The following LRRIQ3 variants were observed in gnomAD, a reference collection of about 807,000 sequenced individuals.
LRRIQ3 encodes leucine-rich repeat and IQ domain-containing protein 3.
Under a neutral mutation model 59.3 loss-of-function variants are expected in LRRIQ3, and 75 were observed. The observed-to-expected ratio is 1.26, with a 90% CI of 1.05 to 1.53. The LOEUF (loss-of-function observed/expected upper bound fraction) is 1.53. LRRIQ3 is among the 40% of genes most tolerant of loss of function. LRRIQ3 has a pLI of 0.00. For missense variants in LRRIQ3, 831 were observed against 710.0 expected (o/e 1.17, Z -1.94); for synonymous variants, 250 against 231.3 (o/e 1.08, Z -0.73).
At chr1:74,174,969 C>T (rs1277132289) in intron 3 of LRRIQ3, among the ~76,000 whole-genome samples, 1 of 152,138 alleles carries the variant, frequency 6.6e-6, no homozygotes, top group Non-Finnish European at 1.5e-5. Context: ...TCTTCATTGT[C>T]CTTAAATACT....
chr1:74,044,760 C>T (rs571956589), intron 6 of LRRIQ3, among the ~76,000 whole-genome samples: 10 of 151,802 alleles, frequency 6.6e-5, no homozygotes, highest in Non-Finnish European at 2.9e-5. Context: ...TAGATGCAAT[C>T]AAAAATGATA....
intron 4 of LRRIQ3, among the ~76,000 whole-genome samples, chr1:74,120,117 G>GT (rs1646831538): frequency 6.6e-6 from 1 of 150,470 alleles, no homozygotes; most frequent in Non-Finnish European, 1.5e-5. Context: ...TTTATTTTTT[G>GT]TATGTTGTTT....
At chr1:74,121,462 T>C (rs1646854845) in intron 4 of LRRIQ3, among the ~76,000 whole-genome samples, 1 of 152,168 alleles carries the variant, frequency 6.6e-6, no homozygotes, top group Non-Finnish European at 1.5e-5. Flanking sequence ...CAAGACTATG[T>C]GGCACAGTAA....
chr1:74,027,102 AT>A (rs371804315), intron 7 of LRRIQ3, 133 bp from the exon 8 acceptor site: 41 of 546,462 alleles, frequency 7.5e-5, no homozygotes, highest in African/African-American at 6.6e-4. Context: ...ACACAACTCC[AT>A]TTATATAACT....
intron 3 of LRRIQ3, among the ~76,000 whole-genome samples, chr1:74,165,166 T>C (rs1212826955): frequency 6.6e-6 from 1 of 151,568 alleles, no homozygotes; most frequent in Non-Finnish European, 1.5e-5. Flanking sequence ...CCATATAAAA[T>C]TCAGTATAAT....
intron 1 of LRRIQ3, among the ~76,000 whole-genome samples, chr1:74,188,468 G>A (rs1226915338): frequency 1.3e-5 from 2 of 152,140 alleles, no homozygotes; most frequent in Non-Finnish European, 1.5e-5. Context: ...CTTAGTTAAT[G>A]AAATGTGCTA....
intron 4 of LRRIQ3, among the ~76,000 whole-genome samples, chr1:74,125,071 C>T (rs1557627208): frequency 6.6e-6 from 1 of 151,824 alleles, no homozygotes; most frequent in Non-Finnish European, 1.5e-5. Context: ...AGATTGCTCA[C>T]TTCTTTGGTT....
chr1:74,182,768 T>C lies in LRRIQ3; in HGVS notation c.343A>G (p.Ile115Val), dbSNP rs771476928. Residue 115 changes from isoleucine (I) to valine (V), a missense_variant, in exon 3 of 8, where the codon ATA becomes GTA. By Grantham distance (29) the Ile-to-Val change is conservative. Transcript: ENST00000354431. ...HDNGFAKLKN[I>V]CVLSACPTLI... is the part of the protein sequence containing the mutation. ...GTTGGACAGGCAGATAATACACATA[T>C]ATTCTTTAACTTTGCAAACCCATTG... is the stretch of plus-strand genomic sequence containing the variant. The C allele has an allele frequency of 1.1e-5, 17 of 1,611,542 alleles. No homozygotes were observed. Among genetic ancestry groups the C allele is most frequent in the South Asian group, 2.2e-5 (2 of 90,864 alleles).
Position 74,126,829 on chromosome 1 carries a change from C to A in LRRIQ3, c.708-17276G>T, listed in dbSNP as rs577125485. Among the ~76,000 whole-genome samples the A allele has an allele frequency of 3.9e-5, 6 of 151,984 alleles. No homozygotes were observed. In the South Asian group the frequency reaches 1.2e-3, roughly 31 times the overall value. ...AAGAAGCATGTGTATTCAGCAGCCA[C>A]TGGATGAAATGCTCTGTAAATATCT... is the stretch of plus-strand genomic sequence containing the variant. On this transcript the variant is annotated intron_variant, in intron 4 of 7. Transcript: ENST00000354431.
intron 3 of LRRIQ3, among the ~76,000 whole-genome samples, chr1:74,161,398 T>C (rs1409181155): frequency 1.3e-5 from 2 of 152,086 alleles, no homozygotes; most frequent in African/African-American, 4.8e-5. Flanking sequence ...GAGCTAATAA[T>C]ATTTTGTAAG....
chr1:74,073,377 T>C (rs1381888288), intron 6 of LRRIQ3, among the ~76,000 whole-genome samples: 3 of 152,014 alleles, frequency 2.0e-5, no homozygotes, highest in African/African-American at 7.2e-5. Flanking sequence ...CTGTGCATGG[T>C]GGCTTATGCC....
intron 5 of LRRIQ3, chr1:74,081,876 C>T (rs1157463457): frequency 6.6e-6 from 1 of 151,364 alleles, no homozygotes; most frequent in African/African-American, 2.4e-5. Flanking sequence ...TCAAAGCATT[C>T]GTTGCATTCT....
chr1:74,133,365 T>C (rs931240027), intron 4 of LRRIQ3, among the ~76,000 whole-genome samples: 1 of 152,132 alleles, frequency 6.6e-6, no homozygotes, highest in Admixed American at 6.6e-5. Flanking sequence ...TTACTGGGTA[T>C]ATACCCAAAG....
At chr1:74,111,835 T>C (rs550717153) in intron 4 of LRRIQ3, among the ~76,000 whole-genome samples, 28 of 152,206 alleles carry the variant, frequency 1.8e-4, no homozygotes, top group Non-Finnish European at 3.4e-4. Flanking sequence ...ATCCCTCTAC[T>C]ACTGGGTCCC....
At chr1:74,055,172 T>C (rs1654489734) in intron 6 of LRRIQ3, among the ~76,000 whole-genome samples, 3 of 100,036 alleles carry the variant, frequency 3.0e-5, no homozygotes, top group Non-Finnish European at 2.0e-5. Context: ...CATACATACA[T>C]ATACACTTTA....
intron 6 of LRRIQ3, among the ~76,000 whole-genome samples, chr1:74,048,797 C>T (rs1654278583): frequency 6.6e-6 from 1 of 152,016 alleles, no homozygotes; most frequent in Non-Finnish European, 1.5e-5. Flanking sequence ...AATGTGTGAA[C>T]AGTGTATACA....
chr1:74,138,495 A>G, intron 4 of LRRIQ3: 1 of 984,774 alleles, frequency 1.0e-6, no homozygotes, highest in Non-Finnish European at 1.2e-6. Flanking sequence ...TAGGCATGTC[A>G]AGTTGAATGT....
At chr1:74,037,857 G>A (rs1369127704) in intron 7 of LRRIQ3, among the ~76,000 whole-genome samples, 1 of 152,102 alleles carries the variant, frequency 6.6e-6, no homozygotes, top group Non-Finnish European at 1.5e-5. Context: ...TGCAACCCAA[G>A]GATTGGAGGA....
chr1:74,060,632 G>T (rs565488240), intron 6 of LRRIQ3, among the ~76,000 whole-genome samples: 10 of 152,022 alleles, frequency 6.6e-5, no homozygotes, highest in Non-Finnish European at 1.5e-4. Flanking sequence ...GATGGTGCAT[G>T]ACTGTAGTCC....
Sources: gnomAD v4.1 joint callset for allele counts (sites outside exome capture counted in the v4.1 genomes callset) on GRCh38, gnomAD v4.1.1 for gene constraint, MANE v1.5 for transcripts, NCBI Gene and HGNC (gene_info 2026-07-23, HGNC 2026-07-21) for gene names.